The following PDZRN3 variants were observed in gnomAD, a reference collection of about 807,000 sequenced individuals.
The protein encoded by PDZRN3 is E3 ubiquitin-protein ligase PDZRN3.
Under a neutral mutation model 85.7 loss-of-function variants are expected in PDZRN3, and 38 were observed. That is an observed-to-expected ratio of 0.44 (90% CI 0.34 to 0.58). PDZRN3 has a LOEUF of 0.58. PDZRN3 is among the 20% of genes least tolerant of loss of function. The probability of loss-of-function intolerance (pLI) is 0.01; values close to 1 mark genes in which losing one functional copy is unlikely to be tolerated. For missense variants in PDZRN3, 1,629 were observed against 1,506.4 expected (o/e 1.08, Z -1.35); for synonymous variants, 759 against 638.0 (o/e 1.19, Z -2.86).
In PDZRN3 at chr3:73,624,138, G is replaced by C; in HGVS notation, c.688C>G (p.Leu230Val). 6.7e-7 allele frequency: 1 copy of C among 1,489,346 alleles called. No homozygotes were observed. The highest frequency in any genetic ancestry group is 8.9e-7 in the Non-Finnish European group (1 of 1,126,124). The allele number at this position is 1,489,346 out of a possible 1,614,324, so 92.3% of individuals were successfully genotyped here. A position where few individuals can be genotyped will look rare whatever the true frequency, so the allele number is the denominator to read the frequency against. Residue 230 changes from leucine to valine, a missense_variant, in exon 1 of 10, where the codon CTC becomes GTC. Coordinates refer to ENST00000263666, the MANE Select transcript of PDZRN3 (RefSeq NM_015009.3). Reference sequence around the variant, plus strand: ...GGCGGCGCGGCCACGCAGCGGCTGAGCGAGTCGAGGCGCGCGCTGTATTCG... The same window carrying C: ...GGCGGCGCGGCCACGCAGCGGCTGACCGAGTCGAGGCGCGCGCTGTATTCG... ...FTEYSARLDS[L>V]SRCVAAPPGG...
chr3:73,624,580 G>T lies in PDZRN3; in HGVS notation c.246C>A (p.Cys82Ter). The T allele has an allele frequency of 6.5e-7, 1 of 1,547,790 alleles. No homozygotes were observed. ...KRLILKLDIK[C>*]AYATRGCGRV... Reference sequence around the variant, plus strand: ...GGCCGCAGCCGCGCGTCGCGTACGCGCACTTGATGTCCAGCTTGAGGATAA... The same window carrying T: ...GGCCGCAGCCGCGCGTCGCGTACGCTCACTTGATGTCCAGCTTGAGGATAA... The change falls in exon 1 of 10, where the codon TGC becomes TGA. Residue 82 changes from cysteine to a stop codon, truncating the protein, a stop_gained. Transcript: ENST00000263666. LOFTEE classifies it high-confidence loss of function.
In PDZRN3 at chr3:73,396,080, A is replaced by G. The variant is rs190471529; in HGVS notation, c.1254+4842T>C. On this transcript the variant is annotated intron_variant, in intron 5 of 9. Transcript: ENST00000263666. Reference sequence around the variant, plus strand: ...TCTACTAAAAATACAAAAATTAGCCAGGTATGGTGGCACATACCTGTAATC... The same window carrying G: ...TCTACTAAAAATACAAAAATTAGCCGGGTATGGTGGCACATACCTGTAATC... Among the ~76,000 whole-genome samples the G allele has an allele frequency of 1.3e-3, 195 of 152,248 alleles. 1 individual carries two copies. The highest frequency in any genetic ancestry group is 7.7e-3 in the East Asian group (40 of 5,168).
At chr3:73,571,336 C>T (rs1043212776) in intron 3 of PDZRN3, among the ~76,000 whole-genome samples, 1 of 152,152 alleles carries the variant, frequency 6.6e-6, no homozygotes, top group Non-Finnish European at 1.5e-5. Context: ...CACCATAAAT[C>T]GTGCCTTTGT....
chr3:73,430,291 T>C (rs997906201), intron 3 of PDZRN3, among the ~76,000 whole-genome samples: 2 of 152,234 alleles, frequency 1.3e-5, no homozygotes, highest in African/African-American at 4.8e-5. Flanking sequence ...CTGTCAGTAA[T>C]GAATAGTCCT....
chr3:73,475,174 C>T (rs1313295246), intron 3 of PDZRN3, among the ~76,000 whole-genome samples: 1 of 152,088 alleles, frequency 6.6e-6, no homozygotes, highest in Admixed American at 6.5e-5. Context: ...GAGGCAAGGG[C>T]CTTCATTTTC....
chr3:73,462,565 A>T (rs925194813), intron 3 of PDZRN3, among the ~76,000 whole-genome samples: 2 of 151,290 alleles, frequency 1.3e-5, no homozygotes, highest in Non-Finnish European at 2.9e-5. Flanking sequence ...AAAAAAAAGA[A>T]CTTGATTCCA....
At chr3:73,398,268 T>C (rs1244900520) in intron 5 of PDZRN3, among the ~76,000 whole-genome samples, 1 of 152,070 alleles carries the variant, frequency 6.6e-6, no homozygotes, top group African/African-American at 2.4e-5. Context: ...GTGTGGACAA[T>C]ATTCGTGACT....
chr3:73,624,645 AC>A lies in PDZRN3; in HGVS notation c.180del (p.Ser61ArgfsTer90). 1 of 1,548,082 alleles carries A rather than the reference AC, an allele frequency of 6.5e-7. No homozygotes were observed. The highest frequency in any genetic ancestry group is 8.7e-7 in the Non-Finnish European group (1 of 1,150,914). ...GSCPARCRGR[L>X]SAKELNHVLP... ...AGGACGTGGTTGAGCTCTTTGGCCG[AC>A]AGGCGACCGCGGCAGCGCGCCGGGC... On this transcript the variant is annotated frameshift_variant, in exon 1 of 10. Coordinates refer to ENST00000263666, the MANE Select transcript of PDZRN3 (RefSeq NM_015009.3). LOFTEE classifies it high-confidence loss of function.
At chr3:73,505,577 A>G (rs1459189704) in intron 3 of PDZRN3, among the ~76,000 whole-genome samples, 3 of 152,214 alleles carry the variant, frequency 2.0e-5, no homozygotes, top group Non-Finnish European at 1.5e-5. Flanking sequence ...ATGATATTCT[A>G]TTGAATTTGT....
chr3:73,565,735 C>T (rs1370854538), intron 3 of PDZRN3, among the ~76,000 whole-genome samples: 2 of 150,530 alleles, frequency 1.3e-5, no homozygotes, highest in African/African-American at 4.9e-5. Flanking sequence ...GTCAGGAGTT[C>T]GAGACCGGCC....
At chr3:73,524,160 A>G (rs1236501213) in intron 3 of PDZRN3, among the ~76,000 whole-genome samples, 1 of 152,190 alleles carries the variant, frequency 6.6e-6, no homozygotes, top group East Asian at 1.9e-4. Context: ...AATCCTGCAA[A>G]AAAGAAGGCA....
In PDZRN3 at chr3:73,384,223, T is replaced by G. The variant is rs1559645890; in HGVS notation, c.2343A>C (p.Arg781Ser). The change falls in exon 10 of 10, where the codon AGA (arginine) becomes AGC (serine). Residue 781 changes from arginine (R) to serine (S), a missense_variant. Arg to Ser is a moderately radical substitution (Grantham distance 110). Transcript: ENST00000263666. ...TCGGGCAGCTGATGCCCTCCGCCGC[T>G]CTCCTCAAGGAGTTGTCGGGGGAGA... The part of the protein sequence containing the change: ...LEISPDNSLR[R>S]AAEGISCPSS... The G allele has an allele frequency of 6.2e-7, 1 of 1,613,678 alleles. No individual in the cohort carries two copies. Among genetic ancestry groups the G allele is most frequent in the Non-Finnish European group, 8.5e-7 (1 of 1,179,992 alleles).
intron 3 of PDZRN3, among the ~76,000 whole-genome samples, chr3:73,426,245 A>T (rs985589375): frequency 9.9e-5 from 15 of 152,050 alleles, no homozygotes; most frequent in African/African-American, 3.6e-4. Context: ...ACTTCCAGAG[A>T]CTCTTCCATA....
chr3:73,472,031 C>T (rs1703352789), intron 3 of PDZRN3, among the ~76,000 whole-genome samples: 1 of 152,170 alleles, frequency 6.6e-6, no homozygotes, highest in East Asian at 1.9e-4. Flanking sequence ...GCTGAAGTGC[C>T]ATGCTGATTT....
At position 73,384,199 on chromosome 3, in the gene PDZRN3, C is replaced by G. The variant is rs200099704; in HGVS notation, c.2367G>C (p.Pro789=). Residue 789 remains proline, a synonymous_variant, in exon 10 of 10, where the codon CCG becomes CCC. Coordinates refer to ENST00000263666, the MANE Select transcript of PDZRN3 (RefSeq NM_015009.3). ...LRRAAEGISC[P]SSEGAVGTTE... is the part of the protein sequence containing the mutation. ...TGGTCCCCACAGCCCCTTCGCTGCT[C>G]GGGCAGCTGATGCCCTCCGCCGCTC... 8.7e-6 allele frequency: 14 copies of G among 1,613,820 alleles called. No homozygotes were observed. The highest frequency in any genetic ancestry group is 1.7e-5 in the Admixed American group (1 of 60,012).
intron 3 of PDZRN3, among the ~76,000 whole-genome samples, chr3:73,537,065 T>C (rs907538090): frequency 2.0e-5 from 3 of 152,194 alleles, no homozygotes; most frequent in Non-Finnish European, 4.4e-5. Flanking sequence ...GATGCTGCTC[T>C]GGGCTCTGAG....
At chr3:73,390,624 G>A (rs996357719) in intron 6 of PDZRN3, among the ~76,000 whole-genome samples, 4 of 119,014 alleles carry the variant, frequency 3.4e-5, no homozygotes, top group Admixed American at 2.5e-4. Context: ...ACTCCACCAA[G>A]AGAAAAAAAA....
intron 3 of PDZRN3, among the ~76,000 whole-genome samples, chr3:73,470,321 T>C (rs553364534): frequency 6.6e-6 from 1 of 152,330 alleles, no homozygotes; most frequent in Admixed American, 6.5e-5. Context: ...TAGTGTTAGA[T>C]AACTAAAATT....
At chr3:73,432,809 G>T (rs971372650) in intron 3 of PDZRN3, among the ~76,000 whole-genome samples, 2 of 151,874 alleles carry the variant, frequency 1.3e-5, no homozygotes, top group South Asian at 2.1e-4. Flanking sequence ...ACCTTAGCTG[G>T]ATTATTTTTT....
Sources: allele counts gnomAD v4.1 joint callset (sites outside exome capture counted in the v4.1 genomes callset), GRCh38; gene constraint gnomAD v4.1.1; transcripts MANE v1.5; gene names NCBI Gene and HGNC (gene_info 2026-07-23, HGNC 2026-07-21).